WHRN: variants seen among roughly 807,000 people sequenced by gnomAD.
WHRN encodes the protein whirlin, also known as CASK-interacting protein CIP98.
Under a neutral mutation model 68.3 loss-of-function variants are expected in WHRN, and 41 were observed. The ratio of observed to expected loss-of-function variants is 0.60; its 90% CI spans 0.47 to 0.78. The LOEUF is 0.78. Among genes scored for constraint, WHRN ranks in the 30% least tolerant of loss-of-function variants. The probability of loss-of-function intolerance (pLI) is 0.00; values close to 1 mark genes in which losing one functional copy is unlikely to be tolerated. For synonymous variants in WHRN, 560 were observed against 561.3 expected (o/e 1.00, Z 0.03); for missense variants, 1,243 against 1,244.7 (o/e 1.00, Z 0.02).
intron 3 of WHRN, among the ~76,000 whole-genome samples, chr9:114,446,999 A>G (rs1322590231): frequency 6.6e-5 from 10 of 151,542 alleles, no homozygotes; most frequent in Non-Finnish European, 8.8e-5. Context: ...GCTCCTCCCA[A>G]TTCTTCCTGG....
chr9:114,504,091 A>ATTCATCTAAG, intron 1 of WHRN, 93 bp downstream of exon 1: 1 of 1,561,678 alleles, frequency 6.4e-7, no homozygotes, highest in Non-Finnish European at 8.7e-7. Context: ...AGGCCAAGTG[A>ATTCATCTAAG]TTCATCTAAG....
At position 114,409,263 on chromosome 9, in the gene WHRN, C is replaced by T. The variant is rs1835258678; in HGVS notation, c.1627-1245G>A. 3.9e-5 allele frequency among the ~76,000 whole-genome samples: 6 copies of T among 152,294 alleles called. 1 individual carries two copies. The South Asian group carries it at 1.2e-3, about 32-fold the overall frequency. On this transcript the variant is annotated intron_variant, in intron 7 of 11. Transcript: ENST00000362057. ...CACAGAGGTGGGACACCAACCCTGC[C>T]ATTGGTAGCTCAGAGACAATGGGGT...
At chr9:114,411,231 G>A (rs1835414904) in intron 7 of WHRN, among the ~76,000 whole-genome samples, 1 of 152,158 alleles carries the variant, frequency 6.6e-6, no homozygotes, top group Non-Finnish European at 1.5e-5. Flanking sequence ...ACCATAATGA[G>A]TCCAATGCTC....
At chr9:114,503,718 C>G (rs1844135055) in intron 1 of WHRN, 2 of 170,654 alleles carry the variant, frequency 1.2e-5, no homozygotes, top group Non-Finnish European at 2.5e-5. Flanking sequence ...AAAACAGCAG[C>G]GTCAAGCCAG....
At chr9:114,418,838 T>C (rs1020514684) in intron 7 of WHRN, among the ~76,000 whole-genome samples, 3 of 152,232 alleles carry the variant, frequency 2.0e-5, no homozygotes, top group Non-Finnish European at 4.4e-5. Context: ...CCCTAGCACT[T>C]GTCATCATTT....
intron 3 of WHRN, among the ~76,000 whole-genome samples, chr9:114,454,611 G>C (rs7043401): frequency 0.75 from 113,675 of 151,692 alleles, 42,740 homozygotes; most frequent in East Asian, 0.96. Flanking sequence ...TTGCAAGACT[G>C]AATAGTATGA....
chr9:114,458,055 C>A (rs1199080225), intron 3 of WHRN, among the ~76,000 whole-genome samples: 1 of 152,182 alleles, frequency 6.6e-6, no homozygotes, highest in South Asian at 2.1e-4. Context: ...GGCTGTCACC[C>A]TTAGCAGAGC....
chr9:114,476,654 C>T (rs1841675224), intron 2 of WHRN, among the ~76,000 whole-genome samples: 1 of 152,136 alleles, frequency 6.6e-6, no homozygotes, highest in Admixed American at 6.5e-5. Flanking sequence ...CTGGATGCTT[C>T]CCAAGAGCAG....
chr9:114,405,712 G>A (rs1343464818), intron 9 of WHRN, among the ~76,000 whole-genome samples: 2 of 152,210 alleles, frequency 1.3e-5, no homozygotes, highest in African/African-American at 4.8e-5. Flanking sequence ...AGGCGCTCAG[G>A]GAATGTCCTA....
chr9:114,439,724 A>T (rs1200935474), intron 3 of WHRN, among the ~76,000 whole-genome samples: 1 of 152,236 alleles, frequency 6.6e-6, no homozygotes, highest in Non-Finnish European at 1.5e-5. Context: ...TAAACTGTGT[A>T]GGTACACTTA....
At chr9:114,428,646 C>T (rs780948589) in intron 3 of WHRN, among the ~76,000 whole-genome samples, 2 of 152,180 alleles carry the variant, frequency 1.3e-5, no homozygotes, top group African/African-American at 4.8e-5. Context: ...CTGCCCGGAG[C>T]GCTGTTTGGG....
At chr9:114,463,066 AT>A (rs1484331109) in intron 3 of WHRN, among the ~76,000 whole-genome samples, 1 of 152,236 alleles carries the variant, frequency 6.6e-6, no homozygotes, top group African/African-American at 2.4e-5. Flanking sequence ...CTGTTCATGC[AT>A]TTATGTCACC....
intron 1 of WHRN, among the ~76,000 whole-genome samples, chr9:114,481,735 C>T (rs1842107091): frequency 6.6e-6 from 1 of 152,248 alleles, no homozygotes; most frequent in Non-Finnish European, 1.5e-5. Flanking sequence ...TCAACAAGGG[C>T]TGACCAAACG....
intron 3 of WHRN, among the ~76,000 whole-genome samples, chr9:114,453,508 G>A (rs931325272): frequency 1.3e-5 from 2 of 151,978 alleles, no homozygotes; most frequent in African/African-American, 4.8e-5. Flanking sequence ...TGTGATTATG[G>A]CTGATTTTAT....
chr9:114,497,891 G>C (rs1272997575), intron 1 of WHRN, among the ~76,000 whole-genome samples: 7 of 152,212 alleles, frequency 4.6e-5, no homozygotes, highest in Admixed American at 2.6e-4. Flanking sequence ...AGGCAGGTGG[G>C]AGGTAGTTAT....
chr9:114,438,070 C>CA lies in WHRN; in HGVS notation c.964-11658dup, dbSNP rs769971602. Among the ~76,000 whole-genome samples, 11 of 152,180 alleles carry CA rather than the reference C, an allele frequency of 7.2e-5. No homozygotes were observed. In the South Asian group the frequency reaches 1.0e-3, roughly 14 times the overall value. ...GGAATATGGTGAAACCCCATCTCTA[C>CA]AAAAAATACAAAAAATTAGCCAGGT... On this transcript the variant is annotated intron_variant, in intron 3 of 11. Coordinates refer to ENST00000362057, the MANE Select transcript of WHRN (RefSeq NM_015404.4).
At chr9:114,469,713 G>A (rs1433462140) in intron 2 of WHRN, among the ~76,000 whole-genome samples, 1 of 152,230 alleles carries the variant, frequency 6.6e-6, no homozygotes, top group Admixed American at 6.5e-5. Context: ...GTTGACCCCA[G>A]GGCACTGCCG....
At chr9:114,403,100 G>T in intron 11 of WHRN, 117 bp downstream of exon 11, 1 of 1,551,728 alleles carries the variant, frequency 6.4e-7, no homozygotes, top group Non-Finnish European at 8.9e-7. Flanking sequence ...GGTGACATAA[G>T]CCTAGGTCTG....
intron 3 of WHRN, among the ~76,000 whole-genome samples, chr9:114,428,670 C>T (rs905428869): frequency 4.6e-5 from 7 of 152,178 alleles, no homozygotes; most frequent in Middle Eastern, 6.3e-3. Flanking sequence ...CACGTGATAT[C>T]GCTTCAAATC....
Sources: gnomAD v4.1 joint callset for allele counts (sites outside exome capture counted in the v4.1 genomes callset) on GRCh38, gnomAD v4.1.1 for gene constraint, MANE v1.5 for transcripts, NCBI Gene and HGNC (gene_info 2026-07-23, HGNC 2026-07-21) for gene names.